The following CRIM1 variants were observed in gnomAD, a reference collection of about 807,000 sequenced individuals.
CRIM1 encodes cysteine rich transmembrane BMP regulator 1.
CRIM1 carries 32 observed loss-of-function variants against 116.4 expected under a neutral mutation model. That is an observed-to-expected ratio of 0.27 (90% CI 0.21 to 0.37). The LOEUF (loss-of-function observed/expected upper bound fraction) is 0.37, where lower values mean the gene tolerates loss of function less well. CRIM1 is among the 10% of genes least tolerant of loss of function. The probability of loss-of-function intolerance (pLI) is 1.00; values close to 1 mark genes in which losing one functional copy is unlikely to be tolerated. For synonymous variants in CRIM1, 590 were observed against 509.2 expected, an observed-to-expected ratio of 1.16 and a Z score of -2.13; for missense variants, 1,331 against 1,354.8, an observed-to-expected ratio of 0.98 and a Z score of 0.28.
At chr2:36,540,090 GCCAAGAGGGTCAGTGACATGGAAA>G (rs1666845210) in intron 14 of CRIM1, among the ~76,000 whole-genome samples, 1 of 152,122 alleles carries the variant, frequency 6.6e-6, no homozygotes, top group Non-Finnish European at 1.5e-5. Context: ...AAAGGAAGAA[GCCAAGAGGGTCAGTGACATGGAAA>G]CCAGGTGGAG....
chr2:36,474,222 A>C (rs1678778905), intron 5 of CRIM1, among the ~76,000 whole-genome samples: 1 of 152,062 alleles, frequency 6.6e-6, no homozygotes, highest in Non-Finnish European at 1.5e-5. Context: ...TCTCGGTACC[A>C]GTTTTTTTAA....
intron 2 of CRIM1, among the ~76,000 whole-genome samples, chr2:36,431,945 A>G (rs78595323): frequency 3.4e-3 from 511 of 152,330 alleles, no homozygotes; most frequent in Non-Finnish European, 4.7e-3. Context: ...CAGTGGAGGA[A>G]AAGTTGATAG....
rs560810419 is a variant in CRIM1 at position 36,524,477 on chromosome 2, A to G, written c.2428+2164A>G. On this transcript the variant is annotated intron_variant, in intron 13 of 16. Coordinates refer to ENST00000280527, the MANE Select transcript of CRIM1 (RefSeq NM_016441.3). ...TTAAGTTCAGAGGTACAAGTGCAGT[A>G]AAGCTTTAATACTAAAGGAAATAGT... 5.9e-5 allele frequency among the ~76,000 whole-genome samples: 9 copies of G among 152,260 alleles called. 1 individual carries two copies. Among genetic ancestry groups the G allele is most frequent in the African/African-American group, 2.2e-4 (9 of 41,554 alleles).
chr2:36,492,956 G>A (rs1298705997), intron 7 of CRIM1, among the ~76,000 whole-genome samples: 2 of 152,154 alleles, frequency 1.3e-5, no homozygotes, highest in African/African-American at 2.4e-5. Flanking sequence ...AATCAAATAA[G>A]CAGGCTTGGG....
intron 7 of CRIM1, among the ~76,000 whole-genome samples, chr2:36,487,171 T>C (rs1177111145): frequency 6.6e-6 from 1 of 152,182 alleles, no homozygotes; most frequent in Non-Finnish European, 1.5e-5. Context: ...AAAATCCTCA[T>C]CTTCATCTCC....
At position 36,550,035 on chromosome 2, in the gene CRIM1, GTATGTA is replaced by G. The variant is rs1667641645; in HGVS notation, c.*1336_*1341del. 1 of 146,898 alleles carries G rather than the reference GTATGTA, an allele frequency of 6.8e-6. No individual in the cohort carries two copies. Among genetic ancestry groups the G allele is most frequent in the Admixed American group, 6.7e-5 (1 of 14,820 alleles). 9.1% of individuals were successfully genotyped at this position (146,898 alleles called of 1,614,324 possible). A position where few individuals can be genotyped will look rare whatever the true frequency, so the allele number is the denominator to read the frequency against. ...TAATTGGAAAGATGTGTGTGTGAGA[GTATGTA>G]TGTGTGTGTGTGTGTGTGTGTGTGT... On this transcript the variant is annotated 3_prime_UTR_variant, in exon 17 of 17. Coordinates refer to ENST00000280527, the MANE Select transcript of CRIM1 (RefSeq NM_016441.3).
intron 4 of CRIM1, among the ~76,000 whole-genome samples, chr2:36,446,445 C>G (rs190183929): frequency 6.6e-6 from 1 of 152,368 alleles, no homozygotes; most frequent in Admixed American, 6.5e-5. Context: ...TTCTATCCCT[C>G]ACAAATACTG....
chr2:36,526,384 CCT>C (rs1303360701), intron 13 of CRIM1, among the ~76,000 whole-genome samples: 1 of 152,164 alleles, frequency 6.6e-6, no homozygotes, highest in Non-Finnish European at 1.5e-5. Context: ...ACAGCAAATG[CCT>C]CTGTTATGAC....
intron 2 of CRIM1, among the ~76,000 whole-genome samples, chr2:36,429,416 C>T (rs571538234): frequency 6.6e-6 from 1 of 152,314 alleles, no homozygotes; most frequent in South Asian, 2.1e-4. Context: ...CATTGTACTC[C>T]TCTCTGAATT....
At chr2:36,391,895 T>A (rs1288822601) in intron 1 of CRIM1, among the ~76,000 whole-genome samples, 1 of 152,236 alleles carries the variant, frequency 6.6e-6, no homozygotes, top group Non-Finnish European at 1.5e-5. Context: ...ATTCACCGTG[T>A]ACTTTCAGTA....
intron 2 of CRIM1, among the ~76,000 whole-genome samples, chr2:36,434,109 C>T (rs1675106065): frequency 6.6e-6 from 1 of 152,172 alleles, no homozygotes; most frequent in African/African-American, 2.4e-5. Context: ...AAAGAATTCA[C>T]AGTGTAACTT....
rs71437560 is a variant in CRIM1 at position 36,530,454 on chromosome 2, G to A, written c.2429-6898G>A. 7.1e-3 allele frequency among the ~76,000 whole-genome samples: 1,078 copies of A among 152,296 alleles called. 5 individuals carry two copies. The highest frequency in any genetic ancestry group is 0.017 in the Middle Eastern group (5 of 294). ...CTCACATTCTATTTATTCTCCAAGT[G>A]TGGAGTTTGTGCCCAGCATGTGACC... On this transcript the variant is annotated intron_variant, in intron 13 of 16. Transcript: ENST00000280527.
intron 14 of CRIM1, among the ~76,000 whole-genome samples, chr2:36,540,449 G>T (rs1666870085): frequency 6.6e-6 from 1 of 152,202 alleles, no homozygotes; most frequent in African/African-American, 2.4e-5. Context: ...TTAAAGGACA[G>T]ATGTGCTGTC....
chr2:36,513,650 G>T lies in CRIM1; in HGVS notation c.1875G>T (p.Gly625=), dbSNP rs750010253. 1.9e-6 allele frequency: 3 copies of T among 1,614,212 alleles called. No individual in the cohort carries two copies. The highest frequency in any genetic ancestry group is 2.5e-6 in the Non-Finnish European group (3 of 1,180,042). ...HHKNEESWHD[G]CRECYCLNGR... is the part of the protein sequence containing the mutation. ...AAAATGAGGAGAGCTGGCACGATGGGTGCCGGGAATGCTACTGTCTCAATG... is the reference window on the plus strand; with the variant it reads ...AAAATGAGGAGAGCTGGCACGATGGTTGCCGGGAATGCTACTGTCTCAATG... The change falls in exon 11 of 17, where the codon GGG becomes GGT. Residue 625 remains glycine (G), a synonymous_variant. Transcript: ENST00000280527.
Position 36,422,020 on chromosome 2 carries a change from C to T in CRIM1, c.506-19238C>T, listed in dbSNP as rs1674104577. The stretch of plus-strand genomic sequence containing the variant: ...TAAAACATAAGCTTAAACTATTAGG[C>T]ACTGAGGCAGATTTTATTGTATATC... On this transcript the variant is annotated intron_variant, in intron 2 of 16. Transcript: ENST00000280527. 2.0e-5 allele frequency among the ~76,000 whole-genome samples: 3 copies of T among 151,618 alleles called. 1 individual carries two copies. In the South Asian group the frequency reaches 6.3e-4, roughly 32 times the overall value.
At chr2:36,495,487 T>A (rs7575852) in intron 7 of CRIM1, among the ~76,000 whole-genome samples, 7,045 of 144,178 alleles carry the variant, frequency 0.049, 261 homozygotes, top group African/African-American at 0.12. Context: ...TTTTTTTTTT[T>A]TTTTTTTTTG....
At chr2:36,543,977 A>AT (rs1232903893) in intron 14 of CRIM1, among the ~76,000 whole-genome samples, 1 of 152,208 alleles carries the variant, frequency 6.6e-6, no homozygotes, top group Non-Finnish European at 1.5e-5. Context: ...TTTTGCTAAC[A>AT]TATTTTATGT....
chr2:36,484,421 A>C (rs72866822), intron 7 of CRIM1, among the ~76,000 whole-genome samples: 3,480 of 152,198 alleles, frequency 0.023, 126 homozygotes, highest in African/African-American at 0.077. Context: ...TGCCATTTCC[A>C]TTAGAAATCT....
chr2:36,380,364 C>T (rs964309852), intron 1 of CRIM1, among the ~76,000 whole-genome samples: 2 of 152,148 alleles, frequency 1.3e-5, no homozygotes, highest in African/African-American at 2.4e-5. Flanking sequence ...TGGTACTCTG[C>T]GCTGCTCCTC....
Sources: allele counts gnomAD v4.1 joint callset (sites outside exome capture counted in the v4.1 genomes callset), GRCh38; gene constraint gnomAD v4.1.1; transcripts MANE v1.5; gene names NCBI Gene and HGNC (gene_info 2026-07-23, HGNC 2026-07-21).